The following GPC5 variants were observed in gnomAD, a reference collection of about 807,000 sequenced individuals.
GPC5 encodes the protein glypican 5.
GPC5 carries 47 observed loss-of-function variants against 53.9 expected under a neutral mutation model. The observed-to-expected ratio is 0.87, with a 90% CI of 0.69 to 1.11. The LOEUF is 1.11. Ranked by LOEUF, GPC5 falls within the 50% of genes most tolerant of loss-of-function variation. GPC5 has a pLI of 0.00. For missense variants in GPC5, 748 were observed against 713.1 expected (o/e 1.05, Z -0.56); for synonymous variants, 286 against 263.3 (o/e 1.09, Z -0.84).
chr13:92,716,591 T>G (rs1298451413), intron 7 of GPC5, among the ~76,000 whole-genome samples: 1 of 152,162 alleles, frequency 6.6e-6, no homozygotes, highest in African/African-American at 2.4e-5. Context: ...ATCCTGGTGC[T>G]TTATAGTATC....
intron 6 of GPC5, among the ~76,000 whole-genome samples, chr13:91,982,161 T>C (rs1380980744): frequency 1.3e-5 from 2 of 152,200 alleles, no homozygotes; most frequent in East Asian, 3.8e-4. Context: ...AGGGGAGCCA[T>C]GGCCAGAGGC....
chr13:91,800,322 A>G (rs2038114140), intron 5 of GPC5, among the ~76,000 whole-genome samples: 1 of 152,150 alleles, frequency 6.6e-6, no homozygotes, highest in African/African-American at 2.4e-5. Context: ...AGATTAGTTC[A>G]TTTAAATAGC....
chr13:92,333,274 T>C (rs998445432), intron 7 of GPC5, among the ~76,000 whole-genome samples: 10 of 152,112 alleles, frequency 6.6e-5, no homozygotes, highest in African/African-American at 2.2e-4. Flanking sequence ...GGTGTGGGGA[T>C]AGGAAAAGAA....
At chr13:92,272,655 C>A (rs2042848519) in intron 7 of GPC5, among the ~76,000 whole-genome samples, 1 of 152,072 alleles carries the variant, frequency 6.6e-6, no homozygotes, top group South Asian at 2.1e-4. Context: ...CTGGGACCTA[C>A]CTGGCCATTG....
intron 6 of GPC5, among the ~76,000 whole-genome samples, chr13:92,039,117 T>G (rs9523488): frequency 0.84 from 128,391 of 152,162 alleles, 56,285 homozygotes; most frequent in East Asian, 1. Context: ...CAGACTGCAG[T>G]GGGTTTGGGA....
intron 2 of GPC5, among the ~76,000 whole-genome samples, chr13:91,524,187 C>T (rs1885976975): frequency 6.6e-6 from 1 of 152,020 alleles, no homozygotes; most frequent in Non-Finnish European, 1.5e-5. Context: ...AACAAGGAAA[C>T]TGAAGCCCAG....
chr13:92,142,086 TACCTA>T (rs2041836046), intron 6 of GPC5, among the ~76,000 whole-genome samples: 1 of 152,032 alleles, frequency 6.6e-6, no homozygotes, highest in Admixed American at 6.5e-5. Context: ...TTAGGAGAAA[TACCTA>T]ATATAAATGA....
intron 5 of GPC5, among the ~76,000 whole-genome samples, chr13:91,847,879 A>T (rs1240093855): frequency 6.6e-6 from 1 of 152,188 alleles, no homozygotes; most frequent in East Asian, 1.9e-4. Flanking sequence ...TAATTTTTGA[A>T]GAATATTATT....
chr13:91,932,942 T>G (rs1358197965), intron 6 of GPC5, among the ~76,000 whole-genome samples: 1 of 151,956 alleles, frequency 6.6e-6, no homozygotes, highest in Non-Finnish European at 1.5e-5. Context: ...GTAAATAAGT[T>G]CATAAAATCT....
chr13:91,971,823 C>G (rs1376111287), intron 6 of GPC5, among the ~76,000 whole-genome samples: 1 of 152,172 alleles, frequency 6.6e-6, no homozygotes, highest in African/African-American at 2.4e-5. Flanking sequence ...GCACTGTGGT[C>G]TGAGAGACAG....
rs562121838 is a variant in GPC5 at position 92,482,817 on chromosome 13, A to T, written c.1561+337828A>T. ...AAATCAGTAGGAAGAAAGAATGAGT[A>T]ACTATAGTTATGCCATGCTTAATGA... On this transcript the variant is annotated intron_variant, in intron 7 of 7. Coordinates refer to ENST00000377067, the MANE Select transcript of GPC5 (RefSeq NM_004466.6). Among the ~76,000 whole-genome samples, 12 of 152,288 alleles carry T rather than the reference A, an allele frequency of 7.9e-5. No homozygotes were observed. In the East Asian group the frequency reaches 1.7e-3, roughly 22 times the overall value.
intron 7 of GPC5, among the ~76,000 whole-genome samples, chr13:92,174,071 C>T (rs2042089878): frequency 6.6e-6 from 1 of 152,042 alleles, no homozygotes; most frequent in Non-Finnish European, 1.5e-5. Flanking sequence ...AACCACTGCA[C>T]TCTAGCCTGG....
chr13:91,832,032 T>C (rs756739142), intron 5 of GPC5, among the ~76,000 whole-genome samples: 60 of 151,972 alleles, frequency 3.9e-4, no homozygotes, highest in Middle Eastern at 3.2e-3. Context: ...TTCTGTCTCA[T>C]TGATCTGTCT....
intron 7 of GPC5, among the ~76,000 whole-genome samples, chr13:92,253,767 A>C (rs1284391725): frequency 6.6e-6 from 1 of 152,148 alleles, no homozygotes; most frequent in Non-Finnish European, 1.5e-5. Context: ...TTTTATTAAC[A>C]GAGCTGTAGA....
chr13:92,644,166 A>C (rs1241497029), intron 7 of GPC5, among the ~76,000 whole-genome samples: 7 of 152,120 alleles, frequency 4.6e-5, no homozygotes, highest in Non-Finnish European at 4.4e-5. Flanking sequence ...AGTGTTTAAG[A>C]AGAAGGATTT....
chr13:92,452,865 G>T (rs566749385), intron 7 of GPC5, among the ~76,000 whole-genome samples: 5 of 152,156 alleles, frequency 3.3e-5, no homozygotes, highest in African/African-American at 1.2e-4. Flanking sequence ...CACCACGCCC[G>T]TCAGATTACT....
At chr13:92,653,306 C>A (rs552017582) in intron 7 of GPC5, among the ~76,000 whole-genome samples, 17 of 152,222 alleles carry the variant, frequency 1.1e-4, no homozygotes, top group Admixed American at 7.8e-4. Context: ...GGGATGCATT[C>A]GTTTCTAGCA....
intron 2 of GPC5, among the ~76,000 whole-genome samples, chr13:91,490,579 T>C (rs957496174): frequency 1.3e-5 from 2 of 152,210 alleles, no homozygotes; most frequent in Non-Finnish European, 1.5e-5. Flanking sequence ...TAATGATAAA[T>C]AAATATTCAT....
chr13:92,291,025 C>A (rs559914664), intron 7 of GPC5, among the ~76,000 whole-genome samples: 1 of 152,270 alleles, frequency 6.6e-6, no homozygotes, highest in Non-Finnish European at 1.5e-5. Flanking sequence ...AGGGGTTTAG[C>A]ACCTGGGCCA....
Sources: allele counts gnomAD v4.1 joint callset (sites outside exome capture counted in the v4.1 genomes callset), GRCh38; gene constraint gnomAD v4.1.1; transcripts MANE v1.5; gene names NCBI Gene and HGNC (gene_info 2026-07-23, HGNC 2026-07-21).